Variants in MMS19 observed in about 807,000 individuals in gnomAD.
MMS19 encodes MMS19 nucleotide excision repair protein homolog.
MMS19 carries 77 observed loss-of-function variants against 129.8 expected under a neutral mutation model. The observed-to-expected ratio is 0.59, with a 90% CI of 0.49 to 0.72. MMS19 has a LOEUF of 0.72. Among genes scored for constraint, MMS19 ranks in the 30% least tolerant of loss-of-function variants. The pLI, the probability that MMS19 is intolerant of heterozygous loss-of-function variation, is 0.00. For synonymous variants in MMS19, 491 were observed against 502.8 expected, an observed-to-expected ratio of 0.98 and a Z score of 0.31; for missense variants, 1,168 against 1,266.3, an observed-to-expected ratio of 0.92 and a Z score of 1.18.
intron 29 of MMS19, 105 bp from the exon 30 acceptor site, chr10:97,459,005 T>C: frequency 8.4e-7 from 1 of 1,195,220 alleles, no homozygotes; most frequent in Non-Finnish European, 1.2e-6. Flanking sequence ...AAAACATCTT[T>C]AGTGATTCCA....
intron 11 of MMS19, 126 bp from the exon 12 acceptor site, chr10:97,469,230 C>T: frequency 8.3e-7 from 1 of 1,206,090 alleles, no homozygotes. Flanking sequence ...TGGAAATTAA[C>T]ACCCCAACTG....
chr10:97,489,725 T>C (rs1220204023), intron 1 of MMS19, among the ~76,000 whole-genome samples: 1 of 152,254 alleles, frequency 6.6e-6, no homozygotes, highest in African/African-American at 2.4e-5. Context: ...TAGTCTTTCC[T>C]TGTTTTTCAT....
At chr10:97,462,849 A>G (rs1184293083) in intron 19 of MMS19, 167 bp from the exon 20 acceptor site, 4 of 631,046 alleles carry the variant, frequency 6.3e-6, no homozygotes. Context: ...AGGGCACCAG[A>G]AACAGGAGTG....
chr10:97,459,351 G>A lies in MMS19; in HGVS notation c.2904+11C>T. Reference sequence around the variant, plus strand: ...ATGCTGGTGCCTAAGAGTTGCTGGGGCTCAACGCACCATGGAAGGGCTAGA... The same window carrying A: ...ATGCTGGTGCCTAAGAGTTGCTGGGACTCAACGCACCATGGAAGGGCTAGA... On this transcript the variant is annotated intron_variant, in intron 28 of 30. Transcript: ENST00000438925. 1 of 1,608,116 alleles carries A rather than the reference G, an allele frequency of 6.2e-7. No homozygotes were observed. The highest frequency in any genetic ancestry group is 8.5e-7 in the Non-Finnish European group (1 of 1,177,188).
At chr10:97,472,500 G>A (rs1359869356) in intron 8 of MMS19, among the ~76,000 whole-genome samples, 1 of 152,124 alleles carries the variant, frequency 6.6e-6, no homozygotes, top group Non-Finnish European at 1.5e-5. Flanking sequence ...TTGGCCTTTC[G>A]AAGTGTTGAG....
At chr10:97,463,315 G>A (rs1334412248) in intron 19 of MMS19, among the ~76,000 whole-genome samples, 1 of 152,124 alleles carries the variant, frequency 6.6e-6, no homozygotes, top group African/African-American at 2.4e-5. Context: ...GGGACTATAG[G>A]TGTGCACCAC....
At chr10:97,490,355 C>T (rs929279865) in intron 1 of MMS19, among the ~76,000 whole-genome samples, 4 of 152,162 alleles carry the variant, frequency 2.6e-5, no homozygotes, top group African/African-American at 9.7e-5. Context: ...GCTGGGACTA[C>T]AGATGTGAGC....
At chr10:97,477,162 T>C (rs1321406255) in intron 6 of MMS19, 185 bp downstream of exon 6, 1 of 1,474,208 alleles carries the variant, frequency 6.8e-7, no homozygotes, top group Non-Finnish European at 9.0e-7. Flanking sequence ...TTTAAAACAC[T>C]GGCTCAAACA....
chr10:97,465,332 T>C (rs2033213663), intron 18 of MMS19, among the ~76,000 whole-genome samples: 1 of 151,926 alleles, frequency 6.6e-6, no homozygotes, highest in Non-Finnish European at 1.5e-5. Context: ...TTTCACTCTA[T>C]TGCCCAGGCT....
At chr10:97,480,185 TC>T (rs2036509340) in intron 3 of MMS19, 2 of 418,194 alleles carry the variant, frequency 4.8e-6, no homozygotes. Flanking sequence ...GTCAAACCAA[TC>T]CCCCGAGCCC....
chr10:97,466,962 G>A, intron 14 of MMS19, 61 bp from the exon 15 acceptor site: 1 of 1,603,060 alleles, frequency 6.2e-7, no homozygotes, highest in Non-Finnish European at 8.5e-7. Context: ...CCCTGACTAA[G>A]CTGTGATACA....
At chr10:97,471,477 C>T (rs1223823543) in intron 8 of MMS19, among the ~76,000 whole-genome samples, 1 of 151,974 alleles carries the variant, frequency 6.6e-6, no homozygotes, top group African/African-American at 2.4e-5. Flanking sequence ...GCAAACTCCA[C>T]CAAAAACATA....
chr10:97,463,926 C>T lies in MMS19; in HGVS notation c.1844G>A (p.Ser615Asn). The T allele has an allele frequency of 6.2e-7, 1 of 1,612,878 alleles. No homozygotes were observed. ...MAEKCQQDPE[S>N]CWYFHQTAIP... ...AGCTGTCTGGTGGAAATACCAGCAACTCTCAGGGTCCTGCTGACATTTTTC... is the reference window on the plus strand; with the variant it reads ...AGCTGTCTGGTGGAAATACCAGCAATTCTCAGGGTCCTGCTGACATTTTTC... The change falls in exon 19 of 31, where the codon AGT (serine) becomes AAT (asparagine). Residue 615 changes from serine (S) to asparagine (N), a missense_variant. Around this residue, in one of 3 missense-constraint regions of MMS19, gnomAD observed 831 missense variants for 910.8 expected, o/e 0.91. Coordinates refer to ENST00000438925, the MANE Select transcript of MMS19 (RefSeq NM_022362.5).
At position 97,477,912 on chromosome 10, in the gene MMS19, C is replaced by T. The variant is rs138933299; in HGVS notation, c.366G>A (p.Leu122=). 108 of 1,605,730 alleles carry T rather than the reference C, an allele frequency of 6.7e-5. 1 individual carries two copies. In the African/African-American group the frequency reaches 1.1e-3, roughly 16 times the overall value. The change falls in exon 5 of 31, where the codon CTG becomes CTA. Residue 122 remains leucine, a synonymous_variant. Coordinates refer to ENST00000438925, the MANE Select transcript of MMS19 (RefSeq NM_022362.5). ...GLKALSLCVA[L]PPGLAVSVLK... ...GCACAGAAACAGCCAGCCCTGGGGG[C>T]AGGGCCACACACAGGCTCTGGGGGA...
At chr10:97,460,565 C>T in intron 25 of MMS19, 130 bp downstream of exon 25, 1 of 818,228 alleles carries the variant, frequency 1.2e-6, no homozygotes, top group South Asian at 1.6e-5. Flanking sequence ...GAGTAAGACC[C>T]TGTCTCCAAA....
intron 1 of MMS19, among the ~76,000 whole-genome samples, chr10:97,495,707 C>G (rs1337083851): frequency 6.6e-6 from 1 of 152,238 alleles, no homozygotes; most frequent in Non-Finnish European, 1.5e-5. Flanking sequence ...TGCCTGGAAT[C>G]CAAAGTTATA....
intron 18 of MMS19, among the ~76,000 whole-genome samples, chr10:97,465,367 A>G (rs1209103170): frequency 2.1e-5 from 3 of 144,136 alleles, no homozygotes; most frequent in African/African-American, 7.8e-5. Flanking sequence ...ACAGTGGCGC[A>G]ATCTCAGCTC....
At chr10:97,482,321 T>C (rs1187329881) in intron 2 of MMS19, among the ~76,000 whole-genome samples, 1 of 152,178 alleles carries the variant, frequency 6.6e-6, no homozygotes, top group Non-Finnish European at 1.5e-5. Context: ...TTAAATAATA[T>C]GCATATCCAT....
chr10:97,482,845 C>T (rs981095249), intron 2 of MMS19, among the ~76,000 whole-genome samples: 3 of 151,834 alleles, frequency 2.0e-5, no homozygotes, highest in African/African-American at 7.3e-5. Flanking sequence ...ACTGCAAGCT[C>T]CGCCTCGCGG....
Sources: allele counts gnomAD v4.1 joint callset (sites outside exome capture counted in the v4.1 genomes callset), GRCh38; gene constraint gnomAD v4.1.1; regional missense constraint gnomAD v4.1.1; transcripts MANE v1.5; gene names NCBI Gene and HGNC (gene_info 2026-07-23, HGNC 2026-07-21).